The following ZNF282 variants were observed in gnomAD, a reference collection of about 807,000 sequenced individuals.
ZNF282 encodes HTLV-I U5 repressive element-binding protein 1.
In ZNF282, 30 loss-of-function variants were observed where a neutral mutation model predicts 61.9. The ratio of observed to expected loss-of-function variants is 0.48; its 90% CI spans 0.36 to 0.66. The LOEUF is 0.66. Ranked by LOEUF, ZNF282 falls within the 30% of genes least tolerant of loss-of-function variation. ZNF282 has a pLI of 0.00. For missense variants in ZNF282, 788 were observed against 941.4 expected (o/e 0.84, Z 2.13); for synonymous variants, 396 against 405.0 (o/e 0.98, Z 0.27).
chr7:149,206,885 T>A, intron 3 of ZNF282, 63 bp downstream of exon 3: 1 of 1,600,392 alleles, frequency 6.2e-7, no homozygotes, highest in Non-Finnish European at 8.5e-7. Flanking sequence ...AATGCTTATT[T>A]GTCCACGTTA....
chr7:149,219,353 A>G (rs1018550820), intron 7 of ZNF282, among the ~76,000 whole-genome samples: 3 of 152,238 alleles, frequency 2.0e-5, no homozygotes, highest in African/African-American at 4.8e-5. Flanking sequence ...TTCTAGGGAC[A>G]GTGTAAACAA....
chr7:149,206,787 T>G lies in ZNF282; in HGVS notation c.677T>G (p.Leu226Arg). The G allele has an allele frequency of 6.2e-7, 1 of 1,614,164 alleles. No homozygotes were observed. Among genetic ancestry groups the G allele is most frequent in the Non-Finnish European group, 8.5e-7 (1 of 1,180,032 alleles). Reference protein sequence around the residue: ...DEWQKELYNNLVKENYKTLMS... With the variant: ...DEWQKELYNNRVKENYKTLMS... Reference sequence around the variant, plus strand: ...TGGCAGAAGGAGCTTTATAACAACCTTGTTAAGGAGAACTACAAAACCCTC... The same window carrying G: ...TGGCAGAAGGAGCTTTATAACAACCGTGTTAAGGAGAACTACAAAACCCTC... Residue 226 changes from leucine (L) to arginine (R), a missense_variant, in exon 3 of 8, where the codon CTT (leucine) becomes CGT (arginine). Transcript: ENST00000610704.
Position 149,198,569 on chromosome 7 carries a change from C to T in ZNF282, c.402C>T (p.Ala134=), listed in dbSNP as rs755341684. 6.2e-6 allele frequency: 10 copies of T among 1,613,982 alleles called. No individual in the cohort carries two copies. The highest frequency in any genetic ancestry group is 4.0e-5 in the African/African-American group (3 of 74,886). The part of the protein sequence containing the change: ...GRTGTAEKKL[A]DCEKTAVEFG... Reference sequence around the variant, plus strand: ...CGGGGACAGCCGAGAAGAAGCTGGCCGACTGTGAAAAGACGGCCGTGGAAT... The same window carrying T: ...CGGGGACAGCCGAGAAGAAGCTGGCTGACTGTGAAAAGACGGCCGTGGAAT... Residue 134 remains alanine, a synonymous_variant, in exon 2 of 8, where the codon GCC becomes GCT. Coordinates refer to ENST00000610704, the MANE Select transcript of ZNF282 (RefSeq NM_003575.4). This position sits in a 1 kb window ranked among gnomAD's most constrained non-coding sequence, Gnocchi z 4.3.
Position 149,207,257 on chromosome 7 carries a change from G to A in ZNF282, c.713-94G>A, listed in dbSNP as rs1054447349. 59 of 1,468,734 alleles carry A rather than the reference G, an allele frequency of 4.0e-5. No homozygotes were observed. In the Admixed American group the frequency reaches 1.3e-3, roughly 31 times the overall value. 91.0% of individuals were successfully genotyped at this position (1,468,734 alleles called of 1,614,324 possible). ...CCAAAGAGGGACACCCAGGAGGAGA[G>A]GGGGAGATGGGGTAGGGGAGAGTTC... On this transcript the variant is annotated intron_variant, in intron 3 of 7. Coordinates refer to ENST00000610704, the MANE Select transcript of ZNF282 (RefSeq NM_003575.4).
chr7:149,210,940 T>C (rs1348516264), intron 5 of ZNF282, among the ~76,000 whole-genome samples: 3 of 152,232 alleles, frequency 2.0e-5, no homozygotes, highest in East Asian at 3.8e-4. Context: ...TTCTGTTTCC[T>C]CTCTTCCTCA....
At chr7:149,200,086 G>A (rs1201745730) in intron 2 of ZNF282, among the ~76,000 whole-genome samples, 1 of 152,068 alleles carries the variant, frequency 6.6e-6, no homozygotes, top group Non-Finnish European at 1.5e-5. Flanking sequence ...TAATCTGCGG[G>A]CATCTCTTCC....
rs565590800 is a variant in ZNF282 at position 149,216,907 on chromosome 7, T to C, written c.1180+3093T>C. The stretch of plus-strand genomic sequence containing the variant: ...AATGAGTGTATACTGAGTCTCGCTC[T>C]CAGCATGTTAGTGTAAGACAAGAAG... On this transcript the variant is annotated intron_variant, in intron 7 of 7. Coordinates refer to ENST00000610704, the MANE Select transcript of ZNF282 (RefSeq NM_003575.4). Among the ~76,000 whole-genome samples the C allele has an allele frequency of 2.0e-5, 3 of 152,366 alleles. No individual in the cohort carries two copies. In the East Asian group the frequency reaches 5.8e-4, roughly 29 times the overall value.
At chr7:149,217,297 G>A (rs1366027098) in intron 7 of ZNF282, among the ~76,000 whole-genome samples, 1 of 152,328 alleles carries the variant, frequency 6.6e-6, no homozygotes, top group South Asian at 2.1e-4. Flanking sequence ...GGCACTTTGG[G>A]AGGCCAAGGC....
Position 149,198,216 on chromosome 7 carries a change from G to T in ZNF282, c.166-117G>T. ...TGTTAGTGTATCCTGAGTTACGGGG[G>T]CCTGGCAGAAGAAAGACGACATGTA... On this transcript the variant is annotated intron_variant, in intron 1 of 7. Transcript: ENST00000610704. The surrounding 1 kb of genome is among the most constrained non-coding windows in gnomAD (Gnocchi z 4.3). The T allele has an allele frequency of 8.0e-7, 1 of 1,250,478 alleles. No homozygotes were observed. The highest frequency in any genetic ancestry group is 1.5e-5 in the South Asian group (1 of 67,166). 77.5% of individuals were successfully genotyped at this position (1,250,478 alleles called of 1,614,324 possible). A position where few individuals can be genotyped will look rare whatever the true frequency, so the allele number is the denominator to read the frequency against.
In ZNF282 at chr7:149,207,493, C is replaced by T. The variant is rs112875816; in HGVS notation, c.832+23C>T. 89 of 1,556,032 alleles carry T rather than the reference C, an allele frequency of 5.7e-5. 1 individual carries two copies. In the East Asian group the frequency reaches 6.7e-4, roughly 12 times the overall value. ...CAGGTGATGGCAGCAGAAGAGAGTG[C>T]GGGGTCCAGGGAAGGGCGAGAGAGG... is the stretch of plus-strand genomic sequence containing the variant. On this transcript the variant is annotated intron_variant, in intron 4 of 7. Coordinates refer to ENST00000610704, the MANE Select transcript of ZNF282 (RefSeq NM_003575.4).
chr7:149,215,156 G>A (rs1160778884), intron 7 of ZNF282, among the ~76,000 whole-genome samples: 1 of 149,252 alleles, frequency 6.7e-6, no homozygotes, highest in Non-Finnish European at 1.5e-5. Flanking sequence ...AGGCTTAACA[G>A]AATAGCTGCA....
chr7:149,198,411 C>G lies in ZNF282; in HGVS notation c.244C>G (p.Pro82Ala). ...PPFPDRAPVFPDRMMREPQLP... is the reference protein window; with the variant it reads ...PPFPDRAPVFADRMMREPQLP... ...CTTTCCAGATAGGGCACCTGTCTTC[C>G]CCGACCGCATGATGCGAGAGCCCCA... Residue 82 changes from proline (P) to alanine (A), a missense_variant, in exon 2 of 8, where the codon CCC becomes GCC. By Grantham distance (27) the Pro-to-Ala change is conservative. Around this residue, in one of 3 missense-constraint regions of ZNF282, gnomAD observed 137 missense variants for 135.4 expected, o/e 1.01. Transcript: ENST00000610704. The surrounding 1 kb of genome is among the most constrained non-coding windows in gnomAD (Gnocchi z 4.3). The G allele has an allele frequency of 6.2e-7, 1 of 1,614,208 alleles. No individual in the cohort carries two copies. The highest frequency in any genetic ancestry group is 8.5e-7 in the Non-Finnish European group (1 of 1,180,038).
chr7:149,198,281 C>T lies in ZNF282; in HGVS notation c.166-52C>T, dbSNP rs980099443. On this transcript the variant is annotated intron_variant, in intron 1 of 7. Coordinates refer to ENST00000610704, the MANE Select transcript of ZNF282 (RefSeq NM_003575.4). This position sits in a 1 kb window ranked among gnomAD's most constrained non-coding sequence, Gnocchi z 4.3. Reference sequence around the variant, plus strand: ...GACCCCTGTTCCCAGCTGACTTCCCCGGCTCACACAAGGTCTCATCCTGGG... The same window carrying T: ...GACCCCTGTTCCCAGCTGACTTCCCTGGCTCACACAAGGTCTCATCCTGGG... 2.3e-5 allele frequency: 36 copies of T among 1,535,868 alleles called. No homozygotes were observed. The highest frequency in any genetic ancestry group is 7.7e-5 in the South Asian group (6 of 78,180).
intron 2 of ZNF282, among the ~76,000 whole-genome samples, chr7:149,206,225 C>G (rs944446204): frequency 1.3e-5 from 2 of 152,154 alleles, no homozygotes; most frequent in Non-Finnish European, 2.9e-5. Flanking sequence ...GGACCAAGGT[C>G]CTGAACCTTA....
intron 7 of ZNF282, among the ~76,000 whole-genome samples, chr7:149,217,385 AAAAC>A (rs376272894): frequency 1.1e-3 from 171 of 152,228 alleles, no homozygotes; most frequent in Middle Eastern, 6.8e-3. Context: ...AAAAATACAA[AAAAC>A]AAACAAACAA....
Position 149,225,196 on chromosome 7 carries a change from G to C in ZNF282, c.*549G>C, listed in dbSNP as rs1315634529. The C allele has an allele frequency of 6.4e-6, 1 of 156,056 alleles. No homozygotes were observed. Among genetic ancestry groups the C allele is most frequent in the African/African-American group, 2.4e-5 (1 of 41,466 alleles). The allele number at this position is 156,056 out of a possible 1,614,324, so 9.7% of individuals were successfully genotyped here. Reference sequence around the variant, plus strand: ...GTGGGGTAGGATTTTCCTGGTGACCGAGTAAAGTGAGAGGCAGGTGAGACG... The same window carrying C: ...GTGGGGTAGGATTTTCCTGGTGACCCAGTAAAGTGAGAGGCAGGTGAGACG... On this transcript the variant is annotated 3_prime_UTR_variant, in exon 8 of 8. Transcript: ENST00000610704.
rs957008762 is a variant in ZNF282 at position 149,220,366 on chromosome 7, C to G, written c.1181-3446C>G. ...GGCGGAGCTTGCAGCGAGCTGAGAT[C>G]GCGCCACTGCACTCCAGCCTGCGCA... On this transcript the variant is annotated intron_variant, in intron 7 of 7. Transcript: ENST00000610704. Among the ~76,000 whole-genome samples, 52 of 151,674 alleles carry G rather than the reference C, an allele frequency of 3.4e-4. No individual in the cohort carries two copies. The Middle Eastern group carries it at 0.01, about 30-fold the overall frequency.
chr7:149,205,308 A>G (rs1490642337), intron 2 of ZNF282, among the ~76,000 whole-genome samples: 1 of 151,140 alleles, frequency 6.6e-6, no homozygotes, highest in African/African-American at 2.4e-5. Context: ...CGTGGTGGCA[A>G]GCGCCTGTAA....
At chr7:149,204,239 AT>A (rs1242731557) in intron 2 of ZNF282, among the ~76,000 whole-genome samples, 1 of 152,240 alleles carries the variant, frequency 6.6e-6, no homozygotes, top group Non-Finnish European at 1.5e-5. Flanking sequence ...TTCTAGAAAG[AT>A]GATTTGACCT....
Sources: allele counts gnomAD v4.1 joint callset (sites outside exome capture counted in the v4.1 genomes callset), GRCh38; gene constraint gnomAD v4.1.1; regional missense constraint gnomAD v4.1.1; non-coding constraint Gnocchi (gnomAD v3.1); transcripts MANE v1.5; gene names NCBI Gene and HGNC (gene_info 2026-07-23, HGNC 2026-07-21).